RASSF6: variants seen among roughly 807,000 people sequenced by gnomAD.
RASSF6 encodes ras association domain-containing protein 6.
A neutral mutation model predicts 44.0 loss-of-function variants in RASSF6; 52 were observed. That is an observed-to-expected ratio of 1.18 (90% CI 0.95 to 1.49). The LOEUF (loss-of-function observed/expected upper bound fraction) is 1.49. Among genes scored for constraint, RASSF6 ranks in the 40% most tolerant of loss-of-function variants. RASSF6 has a pLI of 0.00. For synonymous variants in RASSF6, 162 were observed against 124.6 expected, an observed-to-expected ratio of 1.30 and a Z score of -2.00; for missense variants, 464 against 393.3, an observed-to-expected ratio of 1.18 and a Z score of -1.52.
chr4:73,615,285 C>G (rs971665408), intron 1 of RASSF6, among the ~76,000 whole-genome samples: 11 of 152,046 alleles, frequency 7.2e-5, no homozygotes, highest in African/African-American at 2.2e-4. Flanking sequence ...TTCCCATTCC[C>G]ATTCACCATG....
chr4:73,599,940 C>A (rs2149386517), intron 2 of RASSF6, among the ~76,000 whole-genome samples: 1 of 152,254 alleles, frequency 6.6e-6, no homozygotes, highest in Middle Eastern at 3.4e-3. Flanking sequence ...TCCTTGGCCA[C>A]TCCAGACAGA....
chr4:73,618,586 C>T (rs1186570142), intron 1 of RASSF6, among the ~76,000 whole-genome samples: 1 of 152,038 alleles, frequency 6.6e-6, no homozygotes, highest in Non-Finnish European at 1.5e-5. Context: ...CAATTTGATT[C>T]CTTTATAAGT....
At chr4:73,604,708 T>G (rs961308611) in intron 2 of RASSF6, 1 of 152,090 alleles carries the variant, frequency 6.6e-6, no homozygotes, top group African/African-American at 2.4e-5. Context: ...TATGTCAGGT[T>G]CAAAAAGCTG....
At chr4:73,598,027 T>C (rs1255946975) in intron 3 of RASSF6, among the ~76,000 whole-genome samples, 1 of 152,160 alleles carries the variant, frequency 6.6e-6, no homozygotes. Context: ...CTAGGCTCAA[T>C]AGCTGGGTGA....
In RASSF6 at chr4:73,582,118, G is replaced by A. The variant is rs1723700549; in HGVS notation, c.669+71C>T. 3.9e-6 allele frequency: 3 copies of A among 770,016 alleles called. No homozygotes were observed. In the South Asian group the frequency reaches 6.0e-5, roughly 15 times the overall value. The allele number at this position is 770,016 out of a possible 1,614,324, so 47.7% of individuals were successfully genotyped here. A position where few individuals can be genotyped will look rare whatever the true frequency, so the allele number is the denominator to read the frequency against. ...ACACCTTTATAGATCTGTTTCAGAA[G>A]AGTGGATTTGTGTGTTTATAGTTGA... On this transcript the variant is annotated intron_variant, in intron 7 of 10. Coordinates refer to ENST00000307439, the MANE Select transcript of RASSF6 (RefSeq NM_177532.5).
chr4:73,614,322 A>C (rs902952873), intron 1 of RASSF6, among the ~76,000 whole-genome samples: 4 of 152,196 alleles, frequency 2.6e-5, no homozygotes, highest in Admixed American at 2.0e-4. Flanking sequence ...CTAGATGTTG[A>C]AACTTAACCC....
chr4:73,606,651 T>A (rs1578058318), intron 2 of RASSF6, among the ~76,000 whole-genome samples: 2 of 133,112 alleles, frequency 1.5e-5, no homozygotes, highest in African/African-American at 5.4e-5. Flanking sequence ...TTTTTTTTTT[T>A]TTTTAAAGCC....
chr4:73,616,350 T>A (rs1726365591), intron 1 of RASSF6, among the ~76,000 whole-genome samples: 1 of 152,160 alleles, frequency 6.6e-6, no homozygotes, highest in South Asian at 2.1e-4. Context: ...ACAGGAAATT[T>A]TCTGTAGCTT....
At chr4:73,597,250 T>C (rs1724993729) in intron 3 of RASSF6, among the ~76,000 whole-genome samples, 1 of 152,152 alleles carries the variant, frequency 6.6e-6, no homozygotes, top group Non-Finnish European at 1.5e-5. Flanking sequence ...ATTCAGCATC[T>C]ACAAGGAACT....
intron 2 of RASSF6, among the ~76,000 whole-genome samples, chr4:73,600,284 A>G (rs1578049633): frequency 1.3e-5 from 2 of 152,174 alleles, no homozygotes; most frequent in Admixed American, 1.3e-4. Context: ...TACTTGGTAC[A>G]TAGCAGGACA....
At chr4:73,606,067 T>A (rs1010091292) in intron 2 of RASSF6, among the ~76,000 whole-genome samples, 1 of 152,206 alleles carries the variant, frequency 6.6e-6, no homozygotes, top group Non-Finnish European at 1.5e-5. Context: ...TTACTGGATA[T>A]AGACCCAAAG....
intron 3 of RASSF6, among the ~76,000 whole-genome samples, chr4:73,594,304 A>G (rs1258970647): frequency 6.6e-6 from 1 of 152,238 alleles, no homozygotes; most frequent in Admixed American, 6.5e-5. Context: ...GAAACTAACA[A>G]AAGTCATATG....
chr4:73,587,037 C>G (rs1560444730), intron 5 of RASSF6, among the ~76,000 whole-genome samples: 1 of 152,038 alleles, frequency 6.6e-6, no homozygotes, highest in Admixed American at 6.6e-5. Flanking sequence ...GCACATGAAC[C>G]CTGTCCACCA....
At chr4:73,590,203 T>A (rs1291744433) in intron 4 of RASSF6, among the ~76,000 whole-genome samples, 4 of 152,236 alleles carry the variant, frequency 2.6e-5, no homozygotes, top group Non-Finnish European at 4.4e-5. Context: ...ACTGATTTTT[T>A]AAAAGCTTCT....
intron 6 of RASSF6, among the ~76,000 whole-genome samples, chr4:73,583,063 A>G (rs945233678): frequency 6.6e-6 from 1 of 152,094 alleles, no homozygotes; most frequent in Non-Finnish European, 1.5e-5. Flanking sequence ...GGTGAATATG[A>G]TATGTTGTAC....
At chr4:73,612,189 C>A (rs935979808) in intron 1 of RASSF6, among the ~76,000 whole-genome samples, 1 of 152,266 alleles carries the variant, frequency 6.6e-6, no homozygotes. Context: ...CAGAAGACAA[C>A]TGCAATTCTA....
intron 6 of RASSF6, among the ~76,000 whole-genome samples, chr4:73,584,002 C>T (rs1437763755): frequency 6.6e-6 from 1 of 152,012 alleles, no homozygotes; most frequent in Admixed American, 6.6e-5. Context: ...TTTCCTTCTT[C>T]AACACAAATT....
chr4:73,620,401 C>G lies in RASSF6; in HGVS notation c.-148G>C. 6.5e-7 allele frequency: 1 copy of G among 1,537,418 alleles called. No homozygotes were observed. The highest frequency in any genetic ancestry group is 8.8e-7 in the Non-Finnish European group (1 of 1,141,508). On this transcript the variant is annotated 5_prime_UTR_variant, in exon 1 of 11. Coordinates refer to ENST00000307439, the MANE Select transcript of RASSF6 (RefSeq NM_177532.5). ...AACTCTGGTAGAGGGAAACCAGTGC[C>G]CTGTCTCTGCCGGGCTGGGACTCCG...
Position 73,620,369 on chromosome 4 carries a change from G to T in RASSF6, c.-116C>A. On this transcript the variant is annotated 5_prime_UTR_variant, in exon 1 of 11. Transcript: ENST00000307439. ...TTGCTTCGCGGTTTGTTCTCGGCTG[G>T]GTCAGGAACTCTGGTAGAGGGAAAC... is the stretch of plus-strand genomic sequence containing the variant. The T allele has an allele frequency of 6.6e-7, 1 of 1,517,014 alleles. No homozygotes were observed. Among genetic ancestry groups the T allele is most frequent in the East Asian group, 2.6e-5 (1 of 38,962 alleles). 94.0% of individuals were successfully genotyped at this position (1,517,014 alleles called of 1,614,324 possible).
Sources: allele counts gnomAD v4.1 joint callset (sites outside exome capture counted in the v4.1 genomes callset), GRCh38; gene constraint gnomAD v4.1.1; transcripts MANE v1.5; gene names NCBI Gene and HGNC (gene_info 2026-07-23, HGNC 2026-07-21).